Variants in STMN3 observed in about 807,000 individuals in gnomAD.
STMN3 encodes stathmin 3.
STMN3 carries 24 observed loss-of-function variants against 23.2 expected under a neutral mutation model. That is an observed-to-expected ratio of 1.03 (90% CI 0.75 to 1.45). The LOEUF is 1.45. Among genes scored for constraint, STMN3 ranks in the 40% most tolerant of loss-of-function variants. The pLI is 0.00. For synonymous variants in STMN3, 117 were observed against 103.4 expected (o/e 1.13, Z -0.80); for missense variants, 235 against 237.6 (o/e 0.99, Z 0.07).
chr20:63,641,306 G>C lies in STMN3; in HGVS notation c.*32C>G, dbSNP rs545446203. On this transcript the variant is annotated 3_prime_UTR_variant, in exon 5 of 5. Transcript: ENST00000370053. ...CAAAACCAAAACCCGAACGTGTTCT[G>C]TCGCAGGATGGGCGCCGCCCGTCCC... 1,803 of 1,553,942 alleles carry C rather than the reference G, an allele frequency of 1.2e-3. 2 individuals carry two copies. The highest frequency in any genetic ancestry group is 2.0e-3 in the East Asian group (85 of 41,550).
intron 1 of STMN3, among the ~76,000 whole-genome samples, chr20:63,649,506 C>T (rs915562502): frequency 6.6e-6 from 1 of 152,092 alleles, no homozygotes; most frequent in Non-Finnish European, 1.5e-5. Context: ...CTCCCAGAGC[C>T]TCAAGGCATT....
At position 63,640,838 on chromosome 20, in the gene STMN3, GC is replaced by G; in HGVS notation, c.*499del. On this transcript the variant is annotated 3_prime_UTR_variant, in exon 5 of 5. Transcript: ENST00000370053. Reference sequence around the variant, plus strand: ...CCGCCTGCCAGTTCAACAAGCACCGGCTGCACACGCAGGCTCCCAGGCACCA... The same window carrying G: ...CCGCCTGCCAGTTCAACAAGCACCGGTGCACACGCAGGCTCCCAGGCACCA... 1 of 217,196 alleles carries G rather than the reference GC, an allele frequency of 4.6e-6. No homozygotes were observed. The highest frequency in any genetic ancestry group is 5.3e-5 in the Admixed American group (1 of 18,718). 13.5% of individuals were successfully genotyped at this position (217,196 alleles called of 1,614,324 possible).
chr20:63,648,668 G>A (rs957504854), intron 1 of STMN3, among the ~76,000 whole-genome samples: 6 of 152,164 alleles, frequency 3.9e-5, no homozygotes, highest in Admixed American at 1.3e-4. Flanking sequence ...CCTGGAAGGC[G>A]GAAGTTGTAG....
At position 63,642,196 on chromosome 20, in the gene STMN3, G is replaced by T; in HGVS notation, c.395C>A (p.Ala132Glu). 1 of 1,561,782 alleles carries T rather than the reference G, an allele frequency of 6.4e-7. No individual in the cohort carries two copies. Among genetic ancestry groups the T allele is most frequent in the Non-Finnish European group, 8.6e-7 (1 of 1,156,554 alleles). The change falls in exon 4 of 5, where the codon GCG becomes GAG. Residue 132 changes from alanine (A) to glutamate (E), a missense_variant. Coordinates refer to ENST00000370053, the MANE Select transcript of STMN3 (RefSeq NM_015894.4). ...LEENNNFSRQ[A>E]EEKLNYKMEL... ...CATCTTGTAGTTGAGCTTCTCCTCC[G>T]CCTGGCGGCTGAAGTTGTTATTCTC...
In STMN3 at chr20:63,643,748, C is replaced by G; in HGVS notation, c.291+8G>C. On this transcript the variant is annotated splice_region_variant and intron_variant, in intron 3 of 4. Transcript: ENST00000370053. ...CTCCTGGGGGGTGGGGGATGGAGGACTCCTTGCCTTCCTCCGCTCCTCGGC... is the reference window on the plus strand; with the variant it reads ...CTCCTGGGGGGTGGGGGATGGAGGAGTCCTTGCCTTCCTCCGCTCCTCGGC... 2 of 1,533,016 alleles carry G rather than the reference C, an allele frequency of 1.3e-6. No homozygotes were observed. Among genetic ancestry groups the G allele is most frequent in the Non-Finnish European group, 1.7e-6 (2 of 1,150,034 alleles). The allele number at this position is 1,533,016 out of a possible 1,614,324, so 95.0% of individuals were successfully genotyped here. A position where few individuals can be genotyped will look rare whatever the true frequency, so the allele number is the denominator to read the frequency against.
At chr20:63,650,699 ACGCCCACCCCTCC>A (rs1321914222) in intron 1 of STMN3, among the ~76,000 whole-genome samples, 2 of 60,702 alleles carry the variant, frequency 3.3e-5, no homozygotes, top group African/African-American at 7.6e-5. Flanking sequence ...GTCACACCTC[ACGCCCACCCCTCC>A]CGCCCGCCCG....
Position 63,652,676 on chromosome 20 carries a change from C to G in STMN3, c.19+651G>C. ...GGATCGCAGTCGCCCCTCCCCCATC[C>G]AGACCCCGCGGCGCAAAGGGCAGTG... On this transcript the variant is annotated intron_variant, in intron 1 of 4. Coordinates refer to ENST00000370053, the MANE Select transcript of STMN3 (RefSeq NM_015894.4). This position sits in a 1 kb window ranked among gnomAD's most constrained non-coding sequence, Gnocchi z 5.3. The G allele has an allele frequency of 9.1e-6, 9 of 985,820 alleles. No individual in the cohort carries two copies. Among genetic ancestry groups the G allele is most frequent in the Non-Finnish European group, 1.1e-5 (9 of 830,244 alleles). 61.1% of individuals were successfully genotyped at this position (985,820 alleles called of 1,614,324 possible).
chr20:63,648,788 C>G (rs577124583), intron 1 of STMN3, among the ~76,000 whole-genome samples: 2 of 152,212 alleles, frequency 1.3e-5, no homozygotes, highest in African/African-American at 4.8e-5. Flanking sequence ...ATGTGATTAA[C>G]AGCTGCTCAA....
At chr20:63,643,734 T>C in intron 3 of STMN3, 22 bp downstream of exon 3, 1 of 1,504,940 alleles carries the variant, frequency 6.6e-7, no homozygotes, top group Non-Finnish European at 8.8e-7. Flanking sequence ...TCCTGGGGGG[T>C]GGGGGATGGA....
chr20:63,652,815 C>A lies in STMN3; in HGVS notation c.19+512G>T, dbSNP rs1344182462. ...ACTCCGGGCTCCGCCGTGTCTGGCCCGCCCCCCTCCTTCAGCGCCCCCTCC... is the reference window on the plus strand; with the variant it reads ...ACTCCGGGCTCCGCCGTGTCTGGCCAGCCCCCCTCCTTCAGCGCCCCCTCC... On this transcript the variant is annotated intron_variant, in intron 1 of 4. Transcript: ENST00000370053. The surrounding 1 kb of genome is among the most constrained non-coding windows in gnomAD (Gnocchi z 5.3). 2 of 981,306 alleles carry A rather than the reference C, an allele frequency of 2.0e-6. No homozygotes were observed. The highest frequency in any genetic ancestry group is 1.7e-5 in the African/African-American group (1 of 57,174). 60.8% of individuals were successfully genotyped at this position (981,306 alleles called of 1,614,324 possible).
chr20:63,644,272 C>T lies in STMN3; in HGVS notation c.57G>A (p.Ser19=), dbSNP rs770480737. The T allele has an allele frequency of 6.8e-6, 11 of 1,613,440 alleles. No individual in the cohort carries two copies. Among genetic ancestry groups the T allele is most frequent in the Non-Finnish European group, 9.3e-6 (11 of 1,179,890 alleles). ...KEKMKELSVL[S]LICSCFYTQP... is the part of the protein sequence containing the mutation. Reference sequence around the variant, plus strand: ...GTGTGTAGAAGCAGGAGCAGATGAGCGACAGCACCGACAGCTCCTTCATCT... The same window carrying T: ...GTGTGTAGAAGCAGGAGCAGATGAGTGACAGCACCGACAGCTCCTTCATCT... Residue 19 remains serine (S), a synonymous_variant, in exon 2 of 5, where the codon TCG becomes TCA. Coordinates refer to ENST00000370053, the MANE Select transcript of STMN3 (RefSeq NM_015894.4).
chr20:63,652,239 G>A lies in STMN3; in HGVS notation c.19+1088C>T, dbSNP rs1401281673. On this transcript the variant is annotated intron_variant, in intron 1 of 4. Transcript: ENST00000370053. This position sits in a 1 kb window ranked among gnomAD's most constrained non-coding sequence, Gnocchi z 5.3. ...TTCTGCGCCCCGGGCCAAGGCGCCC[G>A]AGTTGAACCAGTCAGCTCGGGAGAG... 2 of 152,200 alleles carry A rather than the reference G, an allele frequency of 1.3e-5. No individual in the cohort carries two copies. The highest frequency in any genetic ancestry group is 2.1e-4 in the South Asian group (1 of 4,838). The allele number at this position is 152,200 out of a possible 1,614,324, so 9.4% of individuals were successfully genotyped here.
rs1392493152 is a variant in STMN3 at position 63,641,383 on chromosome 20, G to C, written c.498C>G (p.Ala166=). ...ERLREKELHA[A]EVRRNKEQRE... Reference sequence around the variant, plus strand: ...GCTGCTCCTTGTTCCTGCGCACCTCGGCCGCGTGCAGCTCCTGCAGGACAG... The same window carrying C: ...GCTGCTCCTTGTTCCTGCGCACCTCCGCCGCGTGCAGCTCCTGCAGGACAG... The change falls in exon 5 of 5, where the codon GCC becomes GCG. Residue 166 remains alanine, a synonymous_variant. Coordinates refer to ENST00000370053, the MANE Select transcript of STMN3 (RefSeq NM_015894.4). 3.8e-6 allele frequency: 6 copies of C among 1,567,166 alleles called. No homozygotes were observed. The African/African-American group carries it at 8.1e-5, about 21-fold the overall frequency.
In STMN3 at chr20:63,653,353, G is replaced by A. The variant is rs995167154; in HGVS notation, c.-8C>T. On this transcript the variant is annotated 5_prime_UTR_variant, in exon 1 of 5. Coordinates refer to ENST00000370053, the MANE Select transcript of STMN3 (RefSeq NM_015894.4). Reference sequence around the variant, plus strand: ...GGAAATGGTGCTGGCCATGGTGCTGGCGGCGGTTGGGCCTGCGGAGGCTGG... The same window carrying A: ...GGAAATGGTGCTGGCCATGGTGCTGACGGCGGTTGGGCCTGCGGAGGCTGG... The A allele has an allele frequency of 1.2e-5, 19 of 1,547,450 alleles. No homozygotes were observed. The highest frequency in any genetic ancestry group is 1.7e-5 in the Non-Finnish European group (19 of 1,146,552).
At chr20:63,651,383 CG>C (rs1273597954) in intron 1 of STMN3, among the ~76,000 whole-genome samples, 1 of 152,102 alleles carries the variant, frequency 6.6e-6, no homozygotes, top group African/African-American at 2.4e-5. Flanking sequence ...GTTGGGAGCT[CG>C]CGGAGGTGGG....
chr20:63,647,948 G>GTGTGTGTGTGTATA (rs1320052757), intron 1 of STMN3, among the ~76,000 whole-genome samples: 1 of 63,830 alleles, frequency 1.6e-5, no homozygotes, highest in African/African-American at 5.9e-5. Context: ...GTGTGTGTGT[G>GTGTGTGTGTGTATA]TATATATATA....
rs750619499 is a variant in STMN3, at chr20:63,644,230, G to A, written c.99C>T (p.Thr33=). 14 of 1,612,912 alleles carry A rather than the reference G, an allele frequency of 8.7e-6. No individual in the cohort carries two copies. The highest frequency in any genetic ancestry group is 1.3e-5 in the African/African-American group (1 of 75,036). The change falls in exon 2 of 5, where the codon ACC becomes ACT. Residue 33 remains threonine (T), a synonymous_variant. Coordinates refer to ENST00000370053, the MANE Select transcript of STMN3 (RefSeq NM_015894.4). The part of the protein sequence containing the change: ...SCFYTQPHPN[T]VYQYGDMEVK... Reference sequence around the variant, plus strand: ...GGCACTCACCCCCGTACTGGTAGACGGTATTGGGGTGCGGCTGTGTGTAGA... The same window carrying A: ...GGCACTCACCCCCGTACTGGTAGACAGTATTGGGGTGCGGCTGTGTGTAGA...
At chr20:63,643,511 C>T (rs1477157313) in intron 3 of STMN3, 1 of 443,728 alleles carries the variant, frequency 2.3e-6, no homozygotes, top group East Asian at 1.6e-4. Flanking sequence ...GAACTTCCAA[C>T]CTCAAGTGAT....
rs2089752596 is a variant in STMN3, at chr20:63,640,707, C to T, written c.*631G>A. 1 of 176,050 alleles carries T rather than the reference C, an allele frequency of 5.7e-6. No individual in the cohort carries two copies. The highest frequency in any genetic ancestry group is 5.5e-5 in the Admixed American group (1 of 18,272). The allele number at this position is 176,050 out of a possible 1,614,324, so 10.9% of individuals were successfully genotyped here. A position where few individuals can be genotyped will look rare whatever the true frequency, so the allele number is the denominator to read the frequency against. ...ACTCCCCAGCAGACTCAGGGCAGGC[C>T]CCCAACTGCAGGCTTCCAGGAAGGC... On this transcript the variant is annotated 3_prime_UTR_variant, in exon 5 of 5. Coordinates refer to ENST00000370053, the MANE Select transcript of STMN3 (RefSeq NM_015894.4).
Sources: allele counts gnomAD v4.1 joint callset (sites outside exome capture counted in the v4.1 genomes callset), GRCh38; gene constraint gnomAD v4.1.1; non-coding constraint Gnocchi (gnomAD v3.1); transcripts MANE v1.5; gene names NCBI Gene and HGNC (gene_info 2026-07-23, HGNC 2026-07-21).